Variants in FAM222B observed in about 807,000 individuals in gnomAD.
FAM222B encodes the protein family with sequence similarity 222 member B, also known as protein FAM222B.
Under a neutral mutation model 38.0 loss-of-function variants are expected in FAM222B, and 12 were observed. The ratio of observed to expected loss-of-function variants is 0.32; its 90% confidence interval spans 0.20 to 0.51. The LOEUF is 0.51. Ranked by LOEUF, FAM222B falls within the 20% of genes least tolerant of loss-of-function variation. The pLI, the probability that FAM222B is intolerant of heterozygous loss-of-function variation, is 0.97. For synonymous variants in FAM222B, 329 were observed against 317.2 expected, an observed-to-expected ratio of 1.04 and a Z score of -0.40; for missense variants, 716 against 754.2, an observed-to-expected ratio of 0.95 and a Z score of 0.59.
intron 1 of FAM222B, among the ~76,000 whole-genome samples, chr17:28,770,595 G>C (rs1024927807): frequency 2.9e-5 from 4 of 140,350 alleles, no homozygotes; most frequent in African/African-American, 1.2e-4. Flanking sequence ...TTTTGAGACA[G>C]AGTCTTGCTC....
At chr17:28,780,851 C>T (rs1470028241) in intron 1 of FAM222B, among the ~76,000 whole-genome samples, 1 of 151,672 alleles carries the variant, frequency 6.6e-6, no homozygotes, top group Non-Finnish European at 1.5e-5. Flanking sequence ...CATTGGACTC[C>T]AACCTGGATG....
chr17:28,808,387 T>G (rs545293760), intron 1 of FAM222B, among the ~76,000 whole-genome samples: 6 of 152,152 alleles, frequency 3.9e-5, no homozygotes, highest in African/African-American at 1.4e-4. Context: ...ACAACACACA[T>G]GCATATCCAA....
chr17:28,819,791 A>G (rs1302107390), intron 1 of FAM222B, among the ~76,000 whole-genome samples: 1 of 152,228 alleles, frequency 6.6e-6, no homozygotes, highest in Non-Finnish European at 1.5e-5. Context: ...CTACAACCAC[A>G]GAAATAAAAC....
At chr17:28,811,780 C>A (rs1444071103) in intron 1 of FAM222B, among the ~76,000 whole-genome samples, 2 of 152,178 alleles carry the variant, frequency 1.3e-5, no homozygotes, top group African/African-American at 4.8e-5. Flanking sequence ...TTTCCACTAG[C>A]ACCTCCTCTC....
intron 1 of FAM222B, among the ~76,000 whole-genome samples, chr17:28,817,273 C>T (rs1321517394): frequency 4.0e-5 from 6 of 151,490 alleles, no homozygotes; most frequent in Admixed American, 6.6e-5. Context: ...ATTAGCCGGG[C>T]GTGGTGGCAC....
chr17:28,785,217 G>A (rs2036351044), intron 1 of FAM222B, among the ~76,000 whole-genome samples: 1 of 152,142 alleles, frequency 6.6e-6, no homozygotes, highest in African/African-American at 2.4e-5. Flanking sequence ...TCCTAGACAT[G>A]TGATCATTCC....
intron 1 of FAM222B, among the ~76,000 whole-genome samples, chr17:28,797,814 G>A (rs1365587586): frequency 6.6e-6 from 1 of 152,060 alleles, no homozygotes. Flanking sequence ...TGTAATCCCA[G>A]AAATTTAGGA....
intron 2 of FAM222B, among the ~76,000 whole-genome samples, chr17:28,760,707 C>G (rs1167131470): frequency 6.6e-6 from 1 of 152,176 alleles, no homozygotes. Context: ...AGAGGGTACC[C>G]AGAGCTACGA....
intron 1 of FAM222B, among the ~76,000 whole-genome samples, chr17:28,791,733 C>T (rs929256028): frequency 7.1e-6 from 1 of 141,696 alleles, no homozygotes; most frequent in East Asian, 2.1e-4. Context: ...GATCTCGGCT[C>T]ACTACAGCCT....
chr17:28,831,000 T>G (rs1232651920), intron 1 of FAM222B, among the ~76,000 whole-genome samples: 6 of 146,132 alleles, frequency 4.1e-5, no homozygotes, highest in South Asian at 2.1e-4. Flanking sequence ...CTTTTTTTTT[T>G]TTTTTTTTTT....
intron 1 of FAM222B, among the ~76,000 whole-genome samples, chr17:28,800,134 C>T (rs572742410): frequency 1.3e-5 from 2 of 151,886 alleles, no homozygotes; most frequent in African/African-American, 2.4e-5. Context: ...CGCGTTCAAG[C>T]GATTCTCCTG....
chr17:28,771,782 C>T (rs553027438), intron 1 of FAM222B, among the ~76,000 whole-genome samples: 5 of 148,756 alleles, frequency 3.4e-5, no homozygotes, highest in East Asian at 2.1e-4. Context: ...AGGCCAGGTG[C>T]GGTGGCTCAC....
chr17:28,786,643 C>T (rs996270249), intron 1 of FAM222B, among the ~76,000 whole-genome samples: 21 of 152,100 alleles, frequency 1.4e-4, no homozygotes, highest in African/African-American at 4.3e-4. Context: ...TCATACAGCC[C>T]GCCCAGGTCT....
At chr17:28,790,175 AATC>A (rs1435713777) in intron 1 of FAM222B, among the ~76,000 whole-genome samples, 2 of 152,216 alleles carry the variant, frequency 1.3e-5, no homozygotes, top group East Asian at 1.9e-4. Flanking sequence ...TAAAACAAGA[AATC>A]ATTAGTTCAT....
chr17:28,812,615 C>T (rs1597995830), intron 1 of FAM222B, among the ~76,000 whole-genome samples: 1 of 152,306 alleles, frequency 6.6e-6, no homozygotes, highest in East Asian at 1.9e-4. Context: ...AGGCCCGCTA[C>T]CCGCGGACCC....
At chr17:28,790,884 C>CTTTTTTTTTTTT (rs60664262) in intron 1 of FAM222B, among the ~76,000 whole-genome samples, 23 of 86,080 alleles carry the variant, frequency 2.7e-4, no homozygotes, top group Non-Finnish European at 3.7e-4. Flanking sequence ...AATTGTTTCA[C>CTTTTTTTTTTTT]TTTTTTTTTT....
rs1310471565 is a variant in FAM222B at position 28,797,891 on chromosome 17, T to C, written c.-40-31184A>G. ...GTCTGGACAACATAGGGAGACCCCA[T>C]CTCTACAAAAAAAAAATTAGCCAGG... On this transcript the variant is annotated intron_variant, in intron 1 of 2. Coordinates refer to ENST00000581407, the MANE Select transcript of FAM222B (RefSeq NM_001077498.3). Among the ~76,000 whole-genome samples, 52 of 145,728 alleles carry C rather than the reference T, an allele frequency of 3.6e-4. No homozygotes were observed. In the Admixed American group the frequency reaches 3.6e-3, roughly 10 times the overall value.
intron 1 of FAM222B, among the ~76,000 whole-genome samples, chr17:28,779,884 C>A (rs189294192): frequency 2.0e-5 from 3 of 151,972 alleles, no homozygotes; most frequent in African/African-American, 4.8e-5. Context: ...AGGCCATATA[C>A]GACAAGACTT....
rs1222014537 is a variant in FAM222B at position 28,759,007 on chromosome 17, G to C, written c.952C>G (p.Pro318Ala). The change falls in exon 3 of 3, where the codon CCA becomes GCA. Residue 318 changes from proline (P) to alanine (A), a missense_variant. Pro to Ala is a conservative substitution (Grantham distance 27, BLOSUM62 -1). Transcript: ENST00000581407. This position sits in a 1 kb window ranked among gnomAD's most constrained non-coding sequence, Gnocchi z 4.8. ...GGATTGACCACACATGAAGGCATTG[G>C]TGTGGGGACGCTGTGGGTCGACACC... ...TRVSTHSVPT[P>A]MPSCVVNPME... is the part of the protein sequence containing the mutation. The C allele has an allele frequency of 9.3e-6, 15 of 1,613,046 alleles. No homozygotes were observed. Among genetic ancestry groups the C allele is most frequent in the Admixed American group, 6.7e-5 (4 of 59,812 alleles).
Sources: allele counts gnomAD v4.1 joint callset (sites outside exome capture counted in the v4.1 genomes callset), GRCh38; gene constraint gnomAD v4.1.1; non-coding constraint Gnocchi (gnomAD v3.1); transcripts MANE v1.5; gene names NCBI Gene and HGNC (gene_info 2026-07-23, HGNC 2026-07-21).